Variants in WDR37 observed in about 807,000 individuals in gnomAD.
WDR37 encodes WD repeat-containing protein 37.
A neutral mutation model predicts 62.9 loss-of-function variants in WDR37; 19 were observed. The ratio of observed to expected loss-of-function variants is 0.30; its 90% CI spans 0.21 to 0.44. WDR37 has a LOEUF of 0.44. Ranked by LOEUF, WDR37 falls within the 20% of genes least tolerant of loss-of-function variation. The pLI is 1.00. For missense variants in WDR37, 474 were observed against 657.6 expected (o/e 0.72, Z 3.05); for synonymous variants, 250 against 260.9 (o/e 0.96, Z 0.40).
intron 1 of WDR37, among the ~76,000 whole-genome samples, chr10:1,071,023 A>G (rs919842593): frequency 2.0e-5 from 3 of 152,212 alleles, no homozygotes; most frequent in Non-Finnish European, 2.9e-5. Flanking sequence ...GGCTCAGGCT[A>G]TTGCTGTTGC....
intron 13 of WDR37, among the ~76,000 whole-genome samples, chr10:1,128,999 T>G (rs1326583263): frequency 6.9e-6 from 1 of 145,342 alleles, no homozygotes; most frequent in Non-Finnish European, 1.5e-5. Flanking sequence ...CCATGCACGG[T>G]GGTCCATGAT....
At chr10:1,075,069 A>G (rs960846611) in intron 2 of WDR37, among the ~76,000 whole-genome samples, 8 of 152,234 alleles carry the variant, frequency 5.3e-5, no homozygotes, top group Non-Finnish European at 1.0e-4. Flanking sequence ...CAAAAGTTCA[A>G]CAACTCGTTT....
chr10:1,095,286 A>G (rs928896636), intron 8 of WDR37, among the ~76,000 whole-genome samples: 1 of 142,348 alleles, frequency 7.0e-6, no homozygotes, highest in African/African-American at 2.7e-5. Flanking sequence ...AACTGGAGGT[A>G]ATGGGCATAG....
chr10:1,105,291 C>T lies in WDR37; in HGVS notation c.1103+24C>T. On this transcript the variant is annotated intron_variant, in intron 11 of 13. Coordinates refer to ENST00000263150, the MANE Select transcript of WDR37 (RefSeq NM_014023.4). The surrounding 1 kb of genome is among the most constrained non-coding windows in gnomAD (Gnocchi z 5.3). ...GAGTGAGTTGCGGTAGTTTAGACAT[C>T]TGTCCTTAGTCATGAAAAAGTTCTG... is the stretch of plus-strand genomic sequence containing the variant. 1 of 1,609,404 alleles carries T rather than the reference C, an allele frequency of 6.2e-7. No homozygotes were observed. The highest frequency in any genetic ancestry group is 8.5e-7 in the Non-Finnish European group (1 of 1,177,378).
At chr10:1,110,550 G>A (rs749509350) in intron 11 of WDR37, among the ~76,000 whole-genome samples, 2 of 152,308 alleles carry the variant, frequency 1.3e-5, no homozygotes, top group African/African-American at 2.4e-5. Flanking sequence ...CTCGCAGTGC[G>A]GTTTAGGTCC....
chr10:1,109,691 A>G (rs968173528), intron 11 of WDR37, among the ~76,000 whole-genome samples: 1 of 152,232 alleles, frequency 6.6e-6, no homozygotes, highest in South Asian at 2.1e-4. Flanking sequence ...AGCCTGGGCA[A>G]TGAGCGAAAC....
intron 1 of WDR37, among the ~76,000 whole-genome samples, chr10:1,057,206 A>G (rs1254279067): frequency 6.6e-6 from 1 of 151,518 alleles, no homozygotes; most frequent in Non-Finnish European, 1.5e-5. Context: ...AGGGTGCAAG[A>G]GAAGTCGGGG....
chr10:1,109,859 A>G (rs927272026), intron 11 of WDR37, among the ~76,000 whole-genome samples: 3 of 152,206 alleles, frequency 2.0e-5, no homozygotes, highest in African/African-American at 7.2e-5. Context: ...GGACCTATGA[A>G]TACAGTTTCC....
At chr10:1,098,528 A>G (rs1834677086) in intron 9 of WDR37, among the ~76,000 whole-genome samples, 2 of 152,010 alleles carry the variant, frequency 1.3e-5, no homozygotes, top group Non-Finnish European at 2.9e-5. Context: ...GGGTTTCACC[A>G]CGTTCGCCAG....
chr10:1,077,460 G>A (rs1299640483), intron 2 of WDR37, among the ~76,000 whole-genome samples: 1 of 152,158 alleles, frequency 6.6e-6, no homozygotes, highest in Non-Finnish European at 1.5e-5. Context: ...TTTGCTTAAA[G>A]TGCAGTGGGT....
chr10:1,126,155 T>C (rs554217605), intron 13 of WDR37, among the ~76,000 whole-genome samples: 1,608 of 152,170 alleles, frequency 0.011, 16 homozygotes, highest in African/African-American at 0.026. Flanking sequence ...CCTGTAATCG[T>C]AGCACTTTGG....
chr10:1,110,569 G>T (rs1835182545), intron 11 of WDR37, among the ~76,000 whole-genome samples: 1 of 152,194 alleles, frequency 6.6e-6, no homozygotes, highest in Admixed American at 6.5e-5. Flanking sequence ...CCTGAGATGT[G>T]CGTCCGCGCC....
In WDR37 at chr10:1,103,913, CACTT is replaced by C; in HGVS notation, c.961+82_961+85del. 5 of 1,431,640 alleles carry C rather than the reference CACTT, an allele frequency of 3.5e-6. No individual in the cohort carries two copies. The Middle Eastern group carries it at 5.5e-4, about 157-fold the overall frequency. 88.7% of individuals were successfully genotyped at this position (1,431,640 alleles called of 1,614,324 possible). A position where few individuals can be genotyped will look rare whatever the true frequency, so the allele number is the denominator to read the frequency against. On this transcript the variant is annotated intron_variant, in intron 10 of 13. Coordinates refer to ENST00000263150, the MANE Select transcript of WDR37 (RefSeq NM_014023.4). This position sits in a 1 kb window ranked among gnomAD's most constrained non-coding sequence, Gnocchi z 6.3. Reference sequence around the variant, plus strand: ...GTCCATGGGTTATGTCTGACCTTGCCACTTACTTCTTGACCAGAATGAGTCTCTG... The same window carrying C: ...GTCCATGGGTTATGTCTGACCTTGCCACTTCTTGACCAGAATGAGTCTCTG...
chr10:1,070,718 A>T (rs1300446114), intron 1 of WDR37, among the ~76,000 whole-genome samples: 1 of 152,190 alleles, frequency 6.6e-6, no homozygotes, highest in Non-Finnish European at 1.5e-5. Context: ...GACACTCTAA[A>T]TTTTTTGTGA....
At chr10:1,083,792 C>T (rs751084062) in intron 5 of WDR37, among the ~76,000 whole-genome samples, 2 of 152,222 alleles carry the variant, frequency 1.3e-5, no homozygotes, top group African/African-American at 2.4e-5. Flanking sequence ...GGCCTACGGC[C>T]GCGCTGCCCT....
Position 1,103,899 on chromosome 10 carries a change from A to G in WDR37, c.961+63A>G. 1.3e-6 allele frequency: 2 copies of G among 1,520,364 alleles called. No homozygotes were observed. The highest frequency in any genetic ancestry group is 1.2e-5 in the South Asian group (1 of 85,164). The allele number at this position is 1,520,364 out of a possible 1,614,324, so 94.2% of individuals were successfully genotyped here. On this transcript the variant is annotated intron_variant, in intron 10 of 13. Transcript: ENST00000263150. This position sits in a 1 kb window ranked among gnomAD's most constrained non-coding sequence, Gnocchi z 6.3. ...GCATGTTAGTTTATGTCCATGGGTT[A>G]TGTCTGACCTTGCCACTTACTTCTT...
At chr10:1,100,070 A>C (rs1355425509) in intron 9 of WDR37, among the ~76,000 whole-genome samples, 1 of 152,282 alleles carries the variant, frequency 6.6e-6, no homozygotes, top group Non-Finnish European at 1.5e-5. Context: ...TAATTTTGTG[A>C]GAGGGAAGAT....
At chr10:1,074,667 C>T (rs1460211476) in intron 2 of WDR37, among the ~76,000 whole-genome samples, 2 of 152,146 alleles carry the variant, frequency 1.3e-5, no homozygotes, top group African/African-American at 4.8e-5. Flanking sequence ...GGGGCGATCT[C>T]AGAACAGGGA....
Position 1,129,692 on chromosome 10 carries a change from G to T in WDR37, c.*348G>T. ...TAAATGTGAACTTCTGTATTACGTT[G>T]CGGCGTCGGCAGTCCTGCGTTCCCT... On this transcript the variant is annotated 3_prime_UTR_variant, in exon 14 of 14. Coordinates refer to ENST00000263150, the MANE Select transcript of WDR37 (RefSeq NM_014023.4). 5.7e-6 allele frequency: 1 copy of T among 176,898 alleles called. No individual in the cohort carries two copies. The highest frequency in any genetic ancestry group is 1.2e-4 in the South Asian group (1 of 8,046). The allele number at this position is 176,898 out of a possible 1,614,324, so 11.0% of individuals were successfully genotyped here.
Sources: allele counts gnomAD v4.1 joint callset (sites outside exome capture counted in the v4.1 genomes callset), GRCh38; gene constraint gnomAD v4.1.1; non-coding constraint Gnocchi (gnomAD v3.1); transcripts MANE v1.5; gene names NCBI Gene and HGNC (gene_info 2026-07-23, HGNC 2026-07-21).